The following NOL4 variants were observed in gnomAD, a reference collection of about 807,000 sequenced individuals.
NOL4 encodes nucleolar protein 4, also known as cancer/testis antigen 125.
NOL4 carries 17 observed loss-of-function variants against 75.9 expected under a neutral mutation model. The observed-to-expected ratio is 0.22, with a 90% CI of 0.15 to 0.34. The LOEUF is 0.34. NOL4 is among the 10% of genes least tolerant of loss of function. The pLI is 1.00. For synonymous variants in NOL4, 292 were observed against 289.9 expected (o/e 1.01, Z -0.07); for missense variants, 614 against 793.5 (o/e 0.77, Z 2.72).
chr18:33,952,625 G>A (rs2069316612), intron 8 of NOL4, among the ~76,000 whole-genome samples: 2 of 152,146 alleles, frequency 1.3e-5, no homozygotes, highest in African/African-American at 4.8e-5. Context: ...ATTATAGAAA[G>A]AAATATGAAA....
chr18:34,176,367 A>C (rs1005967405), intron 1 of NOL4, among the ~76,000 whole-genome samples: 3 of 152,056 alleles, frequency 2.0e-5, no homozygotes, highest in African/African-American at 7.2e-5. Context: ...GAAACAAAAG[A>C]GAAATGAGGA....
intron 5 of NOL4, among the ~76,000 whole-genome samples, chr18:34,079,234 T>A (rs2077885338): frequency 6.6e-6 from 1 of 152,014 alleles, no homozygotes. Flanking sequence ...CCCCTAATTA[T>A]CCCCAACGAA....
intron 1 of NOL4, among the ~76,000 whole-genome samples, chr18:34,195,359 C>T (rs1195938092): frequency 2.6e-5 from 4 of 152,124 alleles, no homozygotes; most frequent in Non-Finnish European, 4.4e-5. Context: ...TTGGCATCAT[C>T]TGTTTCTAAA....
At chr18:34,037,243 CA>C (rs2075949394) in intron 5 of NOL4, among the ~76,000 whole-genome samples, 1 of 151,934 alleles carries the variant, frequency 6.6e-6, no homozygotes, top group Non-Finnish European at 1.5e-5. Context: ...AGGAAAACTG[CA>C]AAACACTGAT....
intron 9 of NOL4, among the ~76,000 whole-genome samples, chr18:33,891,126 A>G (rs1201785668): frequency 1.3e-5 from 2 of 151,964 alleles, no homozygotes; most frequent in Middle Eastern, 3.2e-3. Flanking sequence ...ATTCAGGTTA[A>G]GCTTATTAAA....
At chr18:33,894,243 G>A (rs1011793601) in intron 9 of NOL4, among the ~76,000 whole-genome samples, 1 of 152,008 alleles carries the variant, frequency 6.6e-6, no homozygotes, top group African/African-American at 2.4e-5. Context: ...ATGCTTTTCT[G>A]CTAAGAAAAA....
chr18:34,063,450 G>A (rs1325720076), intron 5 of NOL4, among the ~76,000 whole-genome samples: 1 of 151,898 alleles, frequency 6.6e-6, no homozygotes, highest in Non-Finnish European at 1.5e-5. Flanking sequence ...TAAAATATAT[G>A]TTTTAGGGAC....
At chr18:34,174,671 T>C (rs868056835) in intron 1 of NOL4, among the ~76,000 whole-genome samples, 132 of 152,174 alleles carry the variant, frequency 8.7e-4, no homozygotes, top group African/African-American at 3.0e-3. Context: ...ATGCTATCCC[T>C]CTGCTAGCCC....
chr18:34,222,538 G>T, intron 1 of NOL4: 1 of 759,496 alleles, frequency 1.3e-6, no homozygotes, highest in East Asian at 1.3e-4. Flanking sequence ...ATGCCAATAA[G>T]GAGACACTGT....
intron 4 of NOL4, among the ~76,000 whole-genome samples, chr18:34,099,600 C>A (rs117589893): frequency 0.013 from 1,936 of 152,194 alleles, 11 homozygotes; most frequent in Middle Eastern, 0.034. Flanking sequence ...AATTTCCCAG[C>A]TCACTTGCTC....
At chr18:34,043,229 C>T (rs1474977956) in intron 5 of NOL4, among the ~76,000 whole-genome samples, 4 of 152,038 alleles carry the variant, frequency 2.6e-5, no homozygotes, top group Non-Finnish European at 2.9e-5. Flanking sequence ...ATTAAATGCT[C>T]ATTGAATGAA....
intron 5 of NOL4, among the ~76,000 whole-genome samples, chr18:34,035,347 A>G (rs994119228): frequency 6.6e-6 from 1 of 152,192 alleles, no homozygotes; most frequent in African/African-American, 2.4e-5. Flanking sequence ...AAATTAAACA[A>G]TATACTCCTG....
At chr18:33,867,099 A>G (rs2063465264) in intron 10 of NOL4, among the ~76,000 whole-genome samples, 1 of 152,150 alleles carries the variant, frequency 6.6e-6, no homozygotes, top group South Asian at 2.1e-4. Flanking sequence ...AAACAAGGAA[A>G]ATAGTACTAT....
chr18:34,055,304 T>C (rs1331361255), intron 5 of NOL4, among the ~76,000 whole-genome samples: 2 of 152,132 alleles, frequency 1.3e-5, no homozygotes, highest in African/African-American at 4.8e-5. Flanking sequence ...GTAGATCTAG[T>C]AGAATGAACT....
intron 5 of NOL4, among the ~76,000 whole-genome samples, chr18:34,083,745 T>A (rs1224512305): frequency 1.3e-5 from 2 of 152,184 alleles, no homozygotes; most frequent in African/African-American, 4.8e-5. Context: ...CACTTTAACA[T>A]ACCAAAGCTA....
intron 2 of NOL4, among the ~76,000 whole-genome samples, chr18:34,124,784 G>T (rs2080308063): frequency 6.6e-6 from 1 of 152,018 alleles, no homozygotes; most frequent in Admixed American, 6.6e-5. Flanking sequence ...GTGAATGCCT[G>T]TAATTCCAGC....
intron 9 of NOL4, among the ~76,000 whole-genome samples, chr18:33,936,187 C>G (rs551280963): frequency 6.6e-6 from 1 of 152,110 alleles, no homozygotes; most frequent in African/African-American, 2.4e-5. Flanking sequence ...TGCCCCCACG[C>G]TTACGTGGCT....
intron 1 of NOL4, among the ~76,000 whole-genome samples, chr18:34,178,140 T>C (rs1173696807): frequency 6.6e-6 from 1 of 151,826 alleles, no homozygotes; most frequent in Admixed American, 6.6e-5. Context: ...ACAAGTTTTA[T>C]ATACTATTGA....
intron 1 of NOL4, among the ~76,000 whole-genome samples, chr18:34,151,529 CA>C (rs1431292986): frequency 2.0e-5 from 3 of 151,580 alleles, no homozygotes; most frequent in African/African-American, 7.3e-5. Flanking sequence ...GTAAAAAGAT[CA>C]GTGGTTGCCA....
Sources: allele counts gnomAD v4.1 joint callset (sites outside exome capture counted in the v4.1 genomes callset), GRCh38; gene constraint gnomAD v4.1.1; transcripts MANE v1.5; gene names NCBI Gene and HGNC (gene_info 2026-07-23, HGNC 2026-07-21).